CEP63: variants seen among roughly 807,000 people sequenced by gnomAD.
The protein encoded by CEP63 is centrosomal protein of 63 kDa.
Under a neutral mutation model 89.1 loss-of-function variants are expected in CEP63, and 84 were observed. The observed-to-expected ratio is 0.94, with a 90% CI of 0.79 to 1.13. The LOEUF (loss-of-function observed/expected upper bound fraction) is 1.13, where lower values mean the gene tolerates loss of function less well. Ranked by LOEUF, CEP63 falls within the 50% of genes most tolerant of loss-of-function variation. CEP63 has a pLI of 0.00. For synonymous variants in CEP63, 267 were observed against 272.5 expected, an observed-to-expected ratio of 0.98 and a Z score of 0.20; for missense variants, 838 against 813.3, an observed-to-expected ratio of 1.03 and a Z score of -0.37.
the CEP63 span, among the ~76,000 whole-genome samples, chr3:134,708,769 A>G: frequency 6.6e-6 from 1 of 152,156 alleles, no homozygotes; most frequent in Non-Finnish European, 1.5e-5. Context: ...CTGGACCTTG[A>G]TCATGGAGGG....
At chr3:134,495,212 TC>T in intron 1 of CEP63, 83 bp from the exon 2 acceptor site, 1 of 963,914 alleles carries the variant, frequency 1.0e-6, no homozygotes, top group Non-Finnish European at 1.7e-6. Context: ...ATGTATGCTT[TC>T]ATTCACATTC....
rs555764899 is a variant in CEP63 at position 134,507,405 on chromosome 3, A to G, written c.222+119A>G. On this transcript the variant is annotated intron_variant, in intron 3 of 14. Coordinates refer to ENST00000675561, the MANE Select transcript of CEP63 (RefSeq NM_001353108.3). Reference sequence around the variant, plus strand: ...ATACCAAGTTAGTTTATTGTTTTTTATTATAATTCTGCTGTTTTATTTTAG... The same window carrying G: ...ATACCAAGTTAGTTTATTGTTTTTTGTTATAATTCTGCTGTTTTATTTTAG... 4.3e-3 allele frequency: 3,068 copies of G among 718,664 alleles called. 8 individuals carry two copies. The highest frequency in any genetic ancestry group is 6.5e-3 in the Non-Finnish European group (2,790 of 431,132). 44.5% of individuals were successfully genotyped at this position (718,664 alleles called of 1,614,324 possible).
At chr3:134,580,241 A>AT (rs1222783764) in intron 10 of CEP63, among the ~76,000 whole-genome samples, 2 of 151,978 alleles carry the variant, frequency 1.3e-5, no homozygotes, top group Non-Finnish European at 2.9e-5. Context: ...AAGATTATAT[A>AT]TTGTATGAAT....
At chr3:134,692,154 C>T in the CEP63 span, among the ~76,000 whole-genome samples, 1 of 151,868 alleles carries the variant, frequency 6.6e-6, no homozygotes, top group African/African-American at 2.4e-5. Context: ...TACATGTGCA[C>T]AACGTGCAGG....
At chr3:134,538,486 T>G (rs533508885) in intron 6 of CEP63, among the ~76,000 whole-genome samples, 2 of 139,592 alleles carry the variant, frequency 1.4e-5, no homozygotes, top group Non-Finnish European at 3.1e-5. Flanking sequence ...TTTTTTGACT[T>G]GAATGCCAAA....
intron 3 of CEP63, among the ~76,000 whole-genome samples, chr3:134,512,638 C>G (rs1312555552): frequency 2.0e-5 from 3 of 152,106 alleles, no homozygotes; most frequent in Admixed American, 6.5e-5. Flanking sequence ...GCCTTTAACT[C>G]TTTCTTTTGG....
the CEP63 span, among the ~76,000 whole-genome samples, chr3:134,740,238 T>TG: frequency 6.6e-6 from 1 of 152,038 alleles, no homozygotes; most frequent in Non-Finnish European, 1.5e-5. Flanking sequence ...TTTTGGGAAG[T>TG]GGGGTGGTAG....
intron 12 of CEP63, among the ~76,000 whole-genome samples, chr3:134,556,214 G>A (rs1014795376): frequency 1.1e-4 from 16 of 151,426 alleles, no homozygotes; most frequent in Non-Finnish European, 2.2e-4. Context: ...ATAGGCATGG[G>A]CAAGGACTTC....
At chr3:134,652,030 C>T in the CEP63 span, among the ~76,000 whole-genome samples, 1 of 152,168 alleles carries the variant, frequency 6.6e-6, no homozygotes, top group Non-Finnish European at 1.5e-5. Context: ...TGGACCCCAC[C>T]TTGTAGCATG....
chr3:134,644,481 G>T, the CEP63 span, among the ~76,000 whole-genome samples: 1 of 152,206 alleles, frequency 6.6e-6, no homozygotes, highest in Non-Finnish European at 1.5e-5. Flanking sequence ...CTTCAGAGGG[G>T]TGGGGGGAAG....
At chr3:134,699,031 G>C in the CEP63 span, among the ~76,000 whole-genome samples, 1 of 152,176 alleles carries the variant, frequency 6.6e-6, no homozygotes, top group African/African-American at 2.4e-5. Flanking sequence ...GGCTGAGTGG[G>C]CTTGCTTGGG....
intron 6 of CEP63, among the ~76,000 whole-genome samples, chr3:134,541,609 A>G (rs1019078317): frequency 2.1e-5 from 3 of 141,608 alleles, no homozygotes; most frequent in Non-Finnish European, 3.0e-5. Flanking sequence ...TCCGCCTCCC[A>G]GATCAAACGA....
the CEP63 span, among the ~76,000 whole-genome samples, chr3:134,709,769 G>A: frequency 2.0e-5 from 3 of 152,160 alleles, no homozygotes; most frequent in Admixed American, 2.0e-4. Context: ...ATCCAGACTT[G>A]GGGCCAACAG....
intron 3 of CEP63, among the ~76,000 whole-genome samples, chr3:134,522,569 A>G (rs1947705421): frequency 6.6e-6 from 1 of 152,080 alleles, no homozygotes; most frequent in Admixed American, 6.6e-5. Flanking sequence ...TTCATCACCC[A>G]GGTATTAAGC....
intron 2 of CEP63, among the ~76,000 whole-genome samples, chr3:134,501,030 T>C (rs1156243818): frequency 6.6e-6 from 1 of 152,156 alleles, no homozygotes; most frequent in Non-Finnish European, 1.5e-5. Context: ...TGAGGAAGTG[T>C]AGGGGTTGAG....
At chr3:134,749,612 C>G in the CEP63 span, among the ~76,000 whole-genome samples, 1 of 141,294 alleles carries the variant, frequency 7.1e-6, no homozygotes, top group South Asian at 2.3e-4. Flanking sequence ...GTGTGTGCAA[C>G]CGGGAGAGCT....
downstream of CEP63, among the ~76,000 whole-genome samples, chr3:134,577,431 CTTTTTTT>C (rs10662705): frequency 1.2e-5 from 1 of 86,326 alleles, no homozygotes; most frequent in Non-Finnish European, 2.0e-5. Context: ...TTCTAATCCA[CTTTTTTT>C]TTTTTTTTTT....
At chr3:134,718,528 G>A in the CEP63 span, among the ~76,000 whole-genome samples, 189 of 152,072 alleles carry the variant, frequency 1.2e-3, no homozygotes, top group Middle Eastern at 0.014. Flanking sequence ...AACCTAACCC[G>A]TTCAATTTTT....
At chr3:134,493,352 C>T (rs1938429382) in intron 1 of CEP63, among the ~76,000 whole-genome samples, 1 of 151,382 alleles carries the variant, frequency 6.6e-6, no homozygotes, top group Non-Finnish European at 1.5e-5. Flanking sequence ...TCCTGGGTCT[C>T]CATCTAGTGT....
Sources: allele counts gnomAD v4.1 joint callset (sites outside exome capture counted in the v4.1 genomes callset), GRCh38; gene constraint gnomAD v4.1.1; transcripts MANE v1.5; gene names NCBI Gene and HGNC (gene_info 2026-07-23, HGNC 2026-07-21).